Variants in OSBPL10 observed in about 807,000 individuals in gnomAD.
OSBPL10 encodes oxysterol-binding protein-related protein 10.
Under a neutral mutation model 81.7 loss-of-function variants are expected in OSBPL10, and 49 were observed. The ratio of observed to expected loss-of-function variants is 0.60; its 90% CI spans 0.48 to 0.76. OSBPL10 has a LOEUF of 0.76. Among genes scored for constraint, OSBPL10 ranks in the 30% least tolerant of loss-of-function variants. The pLI is 0.00. For missense variants in OSBPL10, 923 were observed against 987.8 expected, an observed-to-expected ratio of 0.93 and a Z score of 0.88; for synonymous variants, 419 against 383.6, an observed-to-expected ratio of 1.09 and a Z score of -1.08.
chr3:31,858,834 AG>A (rs948440438), intron 3 of OSBPL10, among the ~76,000 whole-genome samples: 1 of 152,192 alleles, frequency 6.6e-6, no homozygotes, highest in African/African-American at 2.4e-5. Flanking sequence ...CAAAACTTTT[AG>A]GGGGAAAGTC....
intron 5 of OSBPL10, among the ~76,000 whole-genome samples, chr3:31,739,631 A>C (rs1697279533): frequency 6.6e-6 from 1 of 152,194 alleles, no homozygotes; most frequent in Non-Finnish European, 1.5e-5. Flanking sequence ...CACACCAAAG[A>C]AATGCCATGT....
At chr3:31,705,191 T>A (rs1186233690) in intron 6 of OSBPL10, among the ~76,000 whole-genome samples, 1 of 152,204 alleles carries the variant, frequency 6.6e-6, no homozygotes, top group East Asian at 1.9e-4. Flanking sequence ...CTGTTTTCTC[T>A]CCCACAGCCT....
At chr3:31,673,598 T>C (rs569860759) in intron 8 of OSBPL10, among the ~76,000 whole-genome samples, 2 of 152,268 alleles carry the variant, frequency 1.3e-5, no homozygotes, top group African/African-American at 2.4e-5. Context: ...CCAGAGGAGA[T>C]AGTCCACTGC....
intron 1 of OSBPL10, among the ~76,000 whole-genome samples, chr3:31,961,461 C>T (rs1698157183): frequency 6.6e-6 from 1 of 152,146 alleles, no homozygotes. Flanking sequence ...GTAGGGGAGA[C>T]ATGGGAACTC....
intron 5 of OSBPL10, 41 bp from the exon 6 acceptor site, chr3:31,733,452 T>C (rs1360423744): frequency 6.2e-7 from 1 of 1,612,126 alleles, no homozygotes; most frequent in Non-Finnish European, 8.5e-7. Context: ...ATTTTCCAAA[T>C]TAAACATTTA....
intron 4 of OSBPL10, among the ~76,000 whole-genome samples, chr3:31,760,881 G>A (rs1698014791): frequency 6.6e-6 from 1 of 152,020 alleles, no homozygotes; most frequent in Non-Finnish European, 1.5e-5. Flanking sequence ...CTCTATGACG[G>A]ATTACGGTTC....
At chr3:31,831,361 G>C (rs1029733808) in intron 3 of OSBPL10, among the ~76,000 whole-genome samples, 1 of 151,404 alleles carries the variant, frequency 6.6e-6, no homozygotes, top group African/African-American at 2.4e-5. Flanking sequence ...AGCCGAGATC[G>C]TGCCATTGCA....
At position 31,744,767 on chromosome 3, in the gene OSBPL10, G is replaced by C. The variant is rs1480537377; in HGVS notation, c.940+3143C>G. On this transcript the variant is annotated intron_variant, in intron 5 of 11. Transcript: ENST00000396556. ...TTCCCCTGGGCCCTTAAAAATGCCA[G>C]AGAGCCAATGAAAATTAGGAAAAAA... 1.0e-4 allele frequency among the ~76,000 whole-genome samples: 14 copies of C among 139,016 alleles called. No individual in the cohort carries two copies. The East Asian group carries it at 3.1e-3, about 31-fold the overall frequency. 91.2% of individuals were successfully genotyped at this position (139,016 alleles called of 152,430 possible). A position where few individuals can be genotyped will look rare whatever the true frequency, so the allele number is the denominator to read the frequency against.
At chr3:31,833,695 ACACG>A (rs1404816733) in intron 3 of OSBPL10, among the ~76,000 whole-genome samples, 3 of 125,906 alleles carry the variant, frequency 2.4e-5, no homozygotes, top group African/African-American at 1.1e-4. Flanking sequence ...GAAAACACGC[ACACG>A]CACACGCACA....
chr3:32,068,012 C>G (rs1055426972), intron 1 of OSBPL10, among the ~76,000 whole-genome samples: 4 of 152,158 alleles, frequency 2.6e-5, no homozygotes, highest in African/African-American at 7.2e-5. Context: ...AGAGATCCAC[C>G]TACAACCTCC....
chr3:31,974,119 A>G lies in OSBPL10; in HGVS notation c.281+6780T>C, dbSNP rs1323326268. ...AAAAAGGCAGACACCCAACAGATAA[A>G]TGGGCAGAGGACTTAAAGAGCAGCT... On this transcript the variant is annotated intron_variant, in intron 1 of 11. Transcript: ENST00000396556. Among the ~76,000 whole-genome samples the G allele has an allele frequency of 2.0e-5, 3 of 152,240 alleles. No homozygotes were observed. The East Asian group carries it at 5.8e-4, about 29-fold the overall frequency.
chr3:31,691,472 C>G (rs997990862), intron 7 of OSBPL10, among the ~76,000 whole-genome samples: 4 of 152,118 alleles, frequency 2.6e-5, no homozygotes, highest in Non-Finnish European at 4.4e-5. Flanking sequence ...ATGATCCCAG[C>G]ATTTTGAGAG....
chr3:31,824,524 A>C (rs1321338772), intron 4 of OSBPL10, among the ~76,000 whole-genome samples: 1 of 152,188 alleles, frequency 6.6e-6, no homozygotes, highest in East Asian at 1.9e-4. Context: ...AGAGCACTGG[A>C]AACGATCGCA....
intron 3 of OSBPL10, among the ~76,000 whole-genome samples, chr3:31,843,620 A>G (rs1284776875): frequency 6.6e-6 from 1 of 152,136 alleles, no homozygotes; most frequent in Non-Finnish European, 1.5e-5. Context: ...ATCTCTGATC[A>G]TTGTTGGCCC....
chr3:31,679,355 G>A (rs961396091), intron 8 of OSBPL10, among the ~76,000 whole-genome samples: 1 of 152,106 alleles, frequency 6.6e-6, no homozygotes, highest in Admixed American at 6.5e-5. Context: ...TCTTCTCTCC[G>A]ACCCTCCTGT....
chr3:31,873,824 C>T (rs1243264340), intron 3 of OSBPL10, among the ~76,000 whole-genome samples: 2 of 152,186 alleles, frequency 1.3e-5, no homozygotes, highest in Non-Finnish European at 2.9e-5. Flanking sequence ...CTTGTTTTCA[C>T]TATTTAACTT....
At chr3:31,867,006 A>G (rs755689592) in intron 3 of OSBPL10, among the ~76,000 whole-genome samples, 1 of 152,218 alleles carries the variant, frequency 6.6e-6, no homozygotes, top group Non-Finnish European at 1.5e-5. Flanking sequence ...CCAAATTTGC[A>G]TAAGACTTTA....
chr3:31,672,503 T>C (rs1700350645), intron 8 of OSBPL10, among the ~76,000 whole-genome samples: 1 of 150,482 alleles, frequency 6.6e-6, no homozygotes, highest in South Asian at 2.1e-4. Context: ...GCCAGGGGAG[T>C]CTGAGGAGAG....
chr3:31,991,317 G>A (rs1413681184), intron 2 of OSBPL10: 2 of 242,644 alleles, frequency 8.2e-6, no homozygotes, highest in Non-Finnish European at 1.7e-5. Context: ...ATTTTTATGG[G>A]TATTGTGTTG....
Sources: gnomAD v4.1 joint callset for allele counts (sites outside exome capture counted in the v4.1 genomes callset) on GRCh38, gnomAD v4.1.1 for gene constraint, MANE v1.5 for transcripts, NCBI Gene and HGNC (gene_info 2026-07-23, HGNC 2026-07-21) for gene names.